RRP8: variants seen among roughly 807,000 people sequenced by gnomAD.
RRP8 encodes ribosomal RNA-processing protein 8.
In RRP8, 48 loss-of-function variants were observed where a neutral mutation model predicts 45.0. The observed-to-expected ratio is 1.07, with a 90% CI of 0.85 to 1.36. The LOEUF is 1.36. Among genes scored for constraint, RRP8 ranks in the 40% most tolerant of loss-of-function variants. The pLI is 0.00. For synonymous variants in RRP8, 274 were observed against 212.4 expected, an observed-to-expected ratio of 1.29 and a Z score of -2.52; for missense variants, 658 against 573.7, an observed-to-expected ratio of 1.15 and a Z score of -1.50.
At position 6,601,228 on chromosome 11, in the gene RRP8, AGAG is replaced by A; in HGVS notation, c.835_837del (p.Leu279del). On this transcript the variant is annotated inframe_deletion, in exon 3 of 7. Coordinates refer to ENST00000254605, the MANE Select transcript of RRP8 (RefSeq NM_015324.4). ...ACTTGGCTCTGGAAGCCGCGGTGGT[AGAG>A]AAGAAAAGCCTCAGGGTCTTCCTGG... is the stretch of plus-strand genomic sequence containing the variant. 6.2e-7 allele frequency: 1 copy of A among 1,611,648 alleles called. No homozygotes were observed.
chr11:6,603,533 C>T lies in RRP8; in HGVS notation c.-31G>A. ...TCGGGAGGGCAGGGTCGCCGAGTCCCCGCTCTTCTCCACGTGCACAGCGCT... is the reference window on the plus strand; with the variant it reads ...TCGGGAGGGCAGGGTCGCCGAGTCCTCGCTCTTCTCCACGTGCACAGCGCT... On this transcript the variant is annotated 5_prime_UTR_variant, in exon 1 of 7. Transcript: ENST00000254605. 7.2e-7 allele frequency: 1 copy of T among 1,392,812 alleles called. No individual in the cohort carries two copies. Among genetic ancestry groups the T allele is most frequent in the Non-Finnish European group, 9.8e-7 (1 of 1,015,642 alleles). The allele number at this position is 1,392,812 out of a possible 1,614,324, so 86.3% of individuals were successfully genotyped here. A position where few individuals can be genotyped will look rare whatever the true frequency, so the allele number is the denominator to read the frequency against.
At chr11:6,600,646 A>T in intron 5 of RRP8, 23 bp downstream of exon 5, 1 of 1,606,576 alleles carries the variant, frequency 6.2e-7, no homozygotes. Context: ...ACATACATGC[A>T]TCTGTGTCCT....
chr11:6,601,742 A>G, intron 2 of RRP8, 110 bp downstream of exon 2: 2 of 1,469,760 alleles, frequency 1.4e-6, no homozygotes, highest in South Asian at 1.4e-5. Flanking sequence ...GCCTGAGTAC[A>G]CCATTAGCCC....
At position 6,595,578 on chromosome 11, in the gene RRP8, G is replaced by C; in HGVS notation, c.*4568C>G. 1 of 151,890 alleles carries C rather than the reference G, an allele frequency of 6.6e-6. No homozygotes were observed. Among genetic ancestry groups the C allele is most frequent in the East Asian group, 1.9e-4 (1 of 5,168 alleles). 9.4% of individuals were successfully genotyped at this position (151,890 alleles called of 1,614,324 possible). A position where few individuals can be genotyped will look rare whatever the true frequency, so the allele number is the denominator to read the frequency against. On this transcript the variant is annotated 3_prime_UTR_variant, in exon 7 of 7. Coordinates refer to ENST00000254605, the MANE Select transcript of RRP8 (RefSeq NM_015324.4). The stretch of plus-strand genomic sequence containing the variant: ...TTTAGGACATTCTTTAGTGGGATTT[G>C]TTTTTCCGGTCACAGTCACAATGAC...
chr11:6,600,371 T>G, intron 6 of RRP8, 106 bp from the exon 7 acceptor site: 1 of 1,312,646 alleles, frequency 7.6e-7, no homozygotes, highest in Non-Finnish European at 1.1e-6. Flanking sequence ...GGGCTCCCAC[T>G]TCCGTTGGGG....
rs1234154726 is a variant in RRP8, at chr11:6,600,142, G to C, written c.*4C>G. The C allele has an allele frequency of 6.4e-7, 1 of 1,562,074 alleles. No individual in the cohort carries two copies. The highest frequency in any genetic ancestry group is 2.3e-5 in the East Asian group (1 of 44,106). On this transcript the variant is annotated 3_prime_UTR_variant, in exon 7 of 7. Transcript: ENST00000254605. ...TGCCTCCCCTTTCAAGGAAGATCCA[G>C]AGGTCACCTGCGCTTGTAGAGACAT...
At chr11:6,602,636 G>A (rs1854446828) in intron 1 of RRP8, among the ~76,000 whole-genome samples, 1 of 152,198 alleles carries the variant, frequency 6.6e-6, no homozygotes, top group Admixed American at 6.5e-5. Context: ...TAGCTGCAGT[G>A]TAGAAAACAA....
At position 6,599,455 on chromosome 11, in the gene RRP8, A is replaced by C. The variant is rs1287465590; in HGVS notation, c.*691T>G. On this transcript the variant is annotated 3_prime_UTR_variant, in exon 7 of 7. Coordinates refer to ENST00000254605, the MANE Select transcript of RRP8 (RefSeq NM_015324.4). The stretch of plus-strand genomic sequence containing the variant: ...TAAATCCAGGTCTACCTGATTCCAA[A>C]ATCTGTGCTCTCAGCTATATACATC... 2.0e-5 allele frequency: 3 copies of C among 152,246 alleles called. No homozygotes were observed. Among genetic ancestry groups the C allele is most frequent in the Non-Finnish European group, 4.4e-5 (3 of 68,058 alleles). 9.4% of individuals were successfully genotyped at this position (152,246 alleles called of 1,614,324 possible).
rs1447546369 is a variant in RRP8 at position 6,597,429 on chromosome 11, T to A, written c.*2717A>T. The A allele has an allele frequency of 6.6e-6, 1 of 152,060 alleles. No homozygotes were observed. The highest frequency in any genetic ancestry group is 1.5e-5 in the Non-Finnish European group (1 of 68,012). 9.4% of individuals were successfully genotyped at this position (152,060 alleles called of 1,614,324 possible). On this transcript the variant is annotated 3_prime_UTR_variant, in exon 7 of 7. Transcript: ENST00000254605. ...GAACTTCTGGGGCCCTATCAGGAACTCTGGAAGAGGGCTTTCATAATGGAG... is the reference window on the plus strand; with the variant it reads ...GAACTTCTGGGGCCCTATCAGGAACACTGGAAGAGGGCTTTCATAATGGAG...
In RRP8 at chr11:6,602,061, G is replaced by C. The variant is rs1854400407; in HGVS notation, c.254C>G (p.Ser85Cys). Residue 85 changes from serine (S) to cysteine (C), a missense_variant, in exon 2 of 7, where the codon TCT becomes TGT. Physicochemically the swap from Ser to Cys is moderately radical, Grantham distance 112. Coordinates refer to ENST00000254605, the MANE Select transcript of RRP8 (RefSeq NM_015324.4). ...CTTCCCTTTCTTCCCTACTTCAGCA[G>C]AGGCACTGGCAAATGATGCCTTTTT... ...CPKKASFASA[S>C]AEVGKKGKKK... The C allele has an allele frequency of 6.2e-7, 1 of 1,613,976 alleles. No homozygotes were observed. The highest frequency in any genetic ancestry group is 8.5e-7 in the Non-Finnish European group (1 of 1,179,896).
At chr11:6,603,000 G>A (rs1854472636) in intron 1 of RRP8, among the ~76,000 whole-genome samples, 1 of 152,206 alleles carries the variant, frequency 6.6e-6, no homozygotes, top group Non-Finnish European at 1.5e-5. Context: ...CAAATCTGAA[G>A]AAATAATTCC....
At chr11:6,601,807 G>T (rs777981325) in intron 2 of RRP8, 45 bp downstream of exon 2, 2 of 1,538,394 alleles carry the variant, frequency 1.3e-6, no homozygotes, top group South Asian at 2.5e-5. Context: ...CTGACCCCCC[G>T]ACACACACAC....
At chr11:6,602,634 G>A (rs977744031) in intron 1 of RRP8, among the ~76,000 whole-genome samples, 8 of 152,214 alleles carry the variant, frequency 5.3e-5, no homozygotes, top group African/African-American at 1.7e-4. Context: ...TCTAGCTGCA[G>A]TGTAGAAAAC....
rs1854249767 is a variant in RRP8 at position 6,597,595 on chromosome 11, A to AC, written c.*2550_*2551insG. On this transcript the variant is annotated 3_prime_UTR_variant, in exon 7 of 7. Coordinates refer to ENST00000254605, the MANE Select transcript of RRP8 (RefSeq NM_015324.4). ...TGCCCATCCTCCCATAAAAAAAAAA[A>AC]AAAAAAAAACACTGGCTGGGCACAG... is the stretch of plus-strand genomic sequence containing the variant. 6.6e-6 allele frequency: 1 copy of AC among 151,448 alleles called. No homozygotes were observed. The highest frequency in any genetic ancestry group is 2.4e-5 in the African/African-American group (1 of 41,120). 9.4% of individuals were successfully genotyped at this position (151,448 alleles called of 1,614,324 possible). A position where few individuals can be genotyped will look rare whatever the true frequency, so the allele number is the denominator to read the frequency against.
intron 1 of RRP8, 125 bp from the exon 2 acceptor site, chr11:6,602,340 G>A (rs1854427344): frequency 8.2e-6 from 10 of 1,212,322 alleles, no homozygotes; most frequent in South Asian, 5.7e-5. Context: ...AGTCAAGCCT[G>A]CCAGAACCCA....
chr11:6,602,247 A>C (rs201408319), intron 1 of RRP8, 32 bp from the exon 2 acceptor site: 1 of 1,518,602 alleles, frequency 6.6e-7, no homozygotes, highest in East Asian at 2.3e-5. Context: ...CAGTGGGCCT[A>C]AAGAGAATGG....
Position 6,600,567 on chromosome 11 carries a change from C to A in RRP8, c.1170G>T (p.Val390=). 6.2e-7 allele frequency: 1 copy of A among 1,614,094 alleles called. No individual in the cohort carries two copies. Among genetic ancestry groups the A allele is most frequent in the East Asian group, 2.2e-5 (1 of 44,878 alleles). Residue 390 remains valine, a synonymous_variant, in exon 6 of 7, where the codon GTG becomes GTT. Coordinates refer to ENST00000254605, the MANE Select transcript of RRP8 (RefSeq NM_015324.4). ...RVLKPGGLLK[V]AEVSSRFEDV... Reference sequence around the variant, plus strand: ...CCTCAAAGCGGCTGCTGACCTCAGCCACTTTCAGGAGACCCCTGAGAAAGA... The same window carrying A: ...CCTCAAAGCGGCTGCTGACCTCAGCAACTTTCAGGAGACCCCTGAGAAAGA...
In RRP8 at chr11:6,601,416, G is replaced by A. The variant is rs1379526344; in HGVS notation, c.650C>T (p.Thr217Ile). 1.9e-6 allele frequency: 3 copies of A among 1,614,078 alleles called. No homozygotes were observed. The highest frequency in any genetic ancestry group is 1.3e-5 in the African/African-American group (1 of 74,940). ...AACAGGAGACACCTCTGTCTTCTCTGTGGGGGCCTCAGCTGGGGCCTGGTC... is the reference window on the plus strand; with the variant it reads ...AACAGGAGACACCTCTGTCTTCTCTATGGGGGCCTCAGCTGGGGCCTGGTC... Reference protein sequence around the residue: ...VPDQAPAEAPTEKTEVSPVPR... With the variant: ...VPDQAPAEAPIEKTEVSPVPR... Residue 217 changes from threonine to isoleucine, a missense_variant, in exon 3 of 7, where the codon ACA becomes ATA. By Grantham distance (89) the Thr-to-Ile change is moderately conservative. Transcript: ENST00000254605.
At chr11:6,601,083 T>G in intron 3 of RRP8, 28 bp from the exon 4 acceptor site, 1 of 1,614,156 alleles carries the variant, frequency 6.2e-7, no homozygotes, top group Non-Finnish European at 8.5e-7. Context: ...GGGTCACATA[T>G]TGGTCTGATC....
Sources: allele counts gnomAD v4.1 joint callset (sites outside exome capture counted in the v4.1 genomes callset), GRCh38; gene constraint gnomAD v4.1.1; transcripts MANE v1.5; gene names NCBI Gene and HGNC (gene_info 2026-07-23, HGNC 2026-07-21).